Variants in TMEM131 observed in about 807,000 individuals in gnomAD.
TMEM131 encodes the protein transmembrane protein 131.
Under a neutral mutation model 211.6 loss-of-function variants are expected in TMEM131, and 66 were observed. The observed-to-expected ratio is 0.31, with a 90% CI of 0.26 to 0.38. The LOEUF is 0.38. Among genes scored for constraint, TMEM131 ranks in the 10% least tolerant of loss-of-function variants. TMEM131 has a pLI of 1.00. For missense variants in TMEM131, 2,036 were observed against 2,299.3 expected, an observed-to-expected ratio of 0.89 and a Z score of 2.34; for synonymous variants, 844 against 841.3, an observed-to-expected ratio of 1.00 and a Z score of -0.06.
chr2:97,759,208 A>T, intron 39 of TMEM131, 155 bp from the exon 40 acceptor site: 1 of 883,824 alleles, frequency 1.1e-6, no homozygotes, highest in Non-Finnish European at 1.8e-6. Flanking sequence ...AAGTAGGGGC[A>T]GGAGTGTCCT....
At position 97,995,827 on chromosome 2, in the gene TMEM131, C is replaced by A; in HGVS notation, c.-165G>T. On this transcript the variant is annotated 5_prime_UTR_variant, in exon 1 of 41. Coordinates refer to ENST00000186436, the MANE Select transcript of TMEM131 (RefSeq NM_015348.2). ...GAGCGTGGGCCTGGGTCCGTGCGTG[C>A]GTGTGAGCGAGAGTGTCAGTCACGG... is the stretch of plus-strand genomic sequence containing the variant. 1 of 325,694 alleles carries A rather than the reference C, an allele frequency of 3.1e-6. No homozygotes were observed. The highest frequency in any genetic ancestry group is 5.1e-6 in the Non-Finnish European group (1 of 196,874). 20.2% of individuals were successfully genotyped at this position (325,694 alleles called of 1,614,324 possible).
chr2:97,890,288 G>C (rs1041228649), intron 3 of TMEM131, among the ~76,000 whole-genome samples: 3 of 152,228 alleles, frequency 2.0e-5, no homozygotes, highest in African/African-American at 7.2e-5. Context: ...TGGGAAGCAG[G>C]GAAGTCCTGG....
intron 11 of TMEM131, among the ~76,000 whole-genome samples, chr2:97,822,211 G>A (rs1212102599): frequency 6.6e-6 from 1 of 151,786 alleles, no homozygotes; most frequent in Non-Finnish European, 1.5e-5. Context: ...CCTCCTTTAG[G>A]CACCTGGACT....
intron 4 of TMEM131, among the ~76,000 whole-genome samples, chr2:97,876,216 T>C (rs1225567286): frequency 6.6e-6 from 1 of 152,166 alleles, no homozygotes; most frequent in East Asian, 1.9e-4. Context: ...CAGTAATTAA[T>C]AGCCTACCAA....
At chr2:97,971,984 G>T (rs539478046) in intron 1 of TMEM131, among the ~76,000 whole-genome samples, 1 of 152,176 alleles carries the variant, frequency 6.6e-6, no homozygotes, top group East Asian at 1.9e-4. Context: ...AAGCTGGGTG[G>T]ATCACTTGAG....
chr2:97,939,280 A>G (rs1677600625), intron 1 of TMEM131, among the ~76,000 whole-genome samples: 1 of 152,208 alleles, frequency 6.6e-6, no homozygotes, highest in Non-Finnish European at 1.5e-5. Flanking sequence ...ATAGACCTCT[A>G]GCAAGACTAA....
chr2:97,943,378 G>T (rs1483640963), intron 1 of TMEM131, among the ~76,000 whole-genome samples: 1 of 152,142 alleles, frequency 6.6e-6, no homozygotes, highest in Non-Finnish European at 1.5e-5. Context: ...AACTACAGAT[G>T]TTCTTATGAA....
chr2:97,887,161 C>T (rs1675196344), intron 4 of TMEM131, among the ~76,000 whole-genome samples: 1 of 152,210 alleles, frequency 6.6e-6, no homozygotes, highest in Non-Finnish European at 1.5e-5. Flanking sequence ...AGGTCCAAGA[C>T]ACAGTTGCAA....
intron 1 of TMEM131, among the ~76,000 whole-genome samples, chr2:97,979,229 T>C (rs1359179636): frequency 6.6e-6 from 1 of 152,254 alleles, no homozygotes; most frequent in Non-Finnish European, 1.5e-5. Context: ...AGATTTAGCA[T>C]AATTCTTAAG....
chr2:97,844,415 C>A (rs1168681201), intron 5 of TMEM131, among the ~76,000 whole-genome samples, 154 bp from the exon 6 acceptor site: 1 of 152,192 alleles, frequency 6.6e-6, no homozygotes, highest in East Asian at 1.9e-4. Flanking sequence ...AAAAAGATGT[C>A]TTCCATATTG....
chr2:97,831,602 T>C (rs1266057793), intron 11 of TMEM131, among the ~76,000 whole-genome samples: 1 of 151,494 alleles, frequency 6.6e-6, no homozygotes, highest in Admixed American at 6.6e-5. Context: ...TAAAATGATA[T>C]ATTCATAAAG....
rs570697905 is a variant in TMEM131 at position 97,866,516 on chromosome 2, A to C, written c.360-7089T>G. Among the ~76,000 whole-genome samples, 9 of 152,088 alleles carry C rather than the reference A, an allele frequency of 5.9e-5. No individual in the cohort carries two copies. In the East Asian group the frequency reaches 1.5e-3, roughly 26 times the overall value. ...TTTGTTGATTTTGTTATGTTTTTCT[A>C]TTCTGTATTTTATTTATTTCCTCTA... is the stretch of plus-strand genomic sequence containing the variant. On this transcript the variant is annotated intron_variant, in intron 4 of 40. Transcript: ENST00000186436.
At chr2:97,886,387 T>C (rs1035656070) in intron 4 of TMEM131, among the ~76,000 whole-genome samples, 2 of 152,226 alleles carry the variant, frequency 1.3e-5, no homozygotes, top group African/African-American at 4.8e-5. Context: ...AAAAGTCATT[T>C]CTTCCAATTT....
intron 5 of TMEM131, among the ~76,000 whole-genome samples, chr2:97,856,757 G>C (rs1197632926): frequency 6.6e-6 from 1 of 152,070 alleles, no homozygotes; most frequent in Non-Finnish European, 1.5e-5. Context: ...TCCCCCAAGA[G>C]TTCATTCTAT....
chr2:97,898,510 G>A (rs1407164784), intron 3 of TMEM131, among the ~76,000 whole-genome samples: 1 of 152,142 alleles, frequency 6.6e-6, no homozygotes, highest in African/African-American at 2.4e-5. Context: ...TACAAAAAGA[G>A]ACACCAGAAA....
intron 1 of TMEM131, among the ~76,000 whole-genome samples, chr2:97,964,175 T>C (rs965356332): frequency 5.9e-5 from 9 of 152,210 alleles, no homozygotes; most frequent in Non-Finnish European, 1.0e-4. Context: ...AAATCTCCTA[T>C]GTCCCCAGAC....
rs190772564 is a variant in TMEM131 at position 97,812,405 on chromosome 2, T to C, written c.1863+16A>G. 244 of 1,594,312 alleles carry C rather than the reference T, an allele frequency of 1.5e-4. No homozygotes were observed. The African/African-American group carries it at 2.1e-3, about 14-fold the overall frequency. On this transcript the variant is annotated intron_variant, in intron 17 of 40. Transcript: ENST00000186436. ...CATCCATCTTACTTTAAGGAGACAA[T>C]AGAAAGTTTACTTACCGATGATTGA...
intron 11 of TMEM131, among the ~76,000 whole-genome samples, chr2:97,822,626 G>A (rs1398552577): frequency 2.6e-5 from 4 of 152,130 alleles, no homozygotes; most frequent in Non-Finnish European, 5.9e-5. Flanking sequence ...GCAGGTTTTC[G>A]AGAATGTGTT....
chr2:97,821,280 A>T (rs550256797), intron 11 of TMEM131, among the ~76,000 whole-genome samples: 4 of 152,226 alleles, frequency 2.6e-5, no homozygotes, highest in African/African-American at 4.8e-5. Context: ...AAAACGCACC[A>T]ATCAGTGCTC....
Sources: gnomAD v4.1 joint callset for allele counts (sites outside exome capture counted in the v4.1 genomes callset) on GRCh38, gnomAD v4.1.1 for gene constraint, MANE v1.5 for transcripts, NCBI Gene and HGNC (gene_info 2026-07-23, HGNC 2026-07-21) for gene names.